Variants in CAMTA1 observed in about 807,000 individuals in gnomAD.
The protein encoded by CAMTA1 is calmodulin binding transcription activator 1.
In CAMTA1, 27 loss-of-function variants were observed where a neutral mutation model predicts 170.9. The ratio of observed to expected loss-of-function variants is 0.16; its 90% CI spans 0.12 to 0.22. CAMTA1 has a LOEUF of 0.22. Among genes scored for constraint, CAMTA1 ranks in the 10% least tolerant of loss-of-function variants. The probability of loss-of-function intolerance (pLI) is 1.00; values close to 1 mark genes in which losing one functional copy is unlikely to be tolerated. For missense variants in CAMTA1, 1,619 were observed against 2,217.2 expected, an observed-to-expected ratio of 0.73 and a Z score of 5.42; for synonymous variants, 833 against 891.5, an observed-to-expected ratio of 0.93 and a Z score of 1.17.
At chr1:7,279,605 G>T (rs1671219851) in intron 5 of CAMTA1, among the ~76,000 whole-genome samples, 2 of 152,156 alleles carry the variant, frequency 1.3e-5, no homozygotes, top group Non-Finnish European at 2.9e-5. Context: ...TAAACAAAAT[G>T]GTCAGGTTTC....
At chr1:6,825,691 G>T (rs12093227) in intron 3 of CAMTA1, among the ~76,000 whole-genome samples, 10,616 of 152,184 alleles carry the variant, frequency 0.07, 416 homozygotes, top group African/African-American at 0.1. Context: ...TTAATGCTAA[G>T]AATTTTTATT....
At chr1:7,381,021 A>G (rs913228181) in intron 5 of CAMTA1, among the ~76,000 whole-genome samples, 2 of 152,260 alleles carry the variant, frequency 1.3e-5, no homozygotes, top group Admixed American at 6.5e-5. Context: ...CTTTCTAAAG[A>G]AAGTGGTTAG....
intron 5 of CAMTA1, among the ~76,000 whole-genome samples, chr1:7,436,157 G>C (rs1284825731): frequency 6.6e-6 from 1 of 152,242 alleles, no homozygotes; most frequent in East Asian, 1.9e-4. Flanking sequence ...GCCCGGGGCT[G>C]CCAGGGAGCT....
intron 4 of CAMTA1, among the ~76,000 whole-genome samples, chr1:7,241,912 A>G (rs545686799): frequency 6.6e-6 from 1 of 152,316 alleles, no homozygotes; most frequent in South Asian, 2.1e-4. Flanking sequence ...AGATGAGACT[A>G]AGTACTATTC....
intron 6 of CAMTA1, among the ~76,000 whole-genome samples, chr1:7,531,313 C>T (rs1466013535): frequency 6.6e-6 from 1 of 152,160 alleles, no homozygotes. Flanking sequence ...GTTCTTACCT[C>T]TCCATGCCTC....
At chr1:7,343,302 A>T (rs1378964456) in intron 5 of CAMTA1, among the ~76,000 whole-genome samples, 1 of 152,084 alleles carries the variant, frequency 6.6e-6, no homozygotes, top group African/African-American at 2.4e-5. Context: ...GCTCTCCTGG[A>T]TTGTGGGGCT....
At chr1:7,535,425 T>G (rs1023662118) in intron 6 of CAMTA1, among the ~76,000 whole-genome samples, 4 of 152,156 alleles carry the variant, frequency 2.6e-5, no homozygotes, top group African/African-American at 9.7e-5. Context: ...ACAGAGTATG[T>G]GGGCTCAGGA....
chr1:7,669,002 C>T (rs533109613), intron 9 of CAMTA1, among the ~76,000 whole-genome samples: 10 of 152,282 alleles, frequency 6.6e-5, no homozygotes, highest in South Asian at 2.1e-4. Context: ...CCCACTCCCC[C>T]CAATGCCCCG....
At chr1:7,649,258 G>A (rs2095831739) in intron 7 of CAMTA1, among the ~76,000 whole-genome samples, 1 of 152,244 alleles carries the variant, frequency 6.6e-6, no homozygotes, top group Non-Finnish European at 1.5e-5. Flanking sequence ...GCACATCTGT[G>A]TCCCCACGGC....
intron 5 of CAMTA1, among the ~76,000 whole-genome samples, chr1:7,257,535 G>A (rs552271634): frequency 4.0e-5 from 6 of 151,576 alleles, no homozygotes; most frequent in East Asian, 3.9e-4. Flanking sequence ...TCCTGAAGCC[G>A]TAGCTTCCGA....
At chr1:7,167,682 G>C (rs558299251) in intron 4 of CAMTA1, among the ~76,000 whole-genome samples, 1 of 152,186 alleles carries the variant, frequency 6.6e-6, no homozygotes, top group East Asian at 1.9e-4. Context: ...CATTAAATCT[G>C]TCAGTTTGGT....
At chr1:7,191,065 T>C (rs1046709392) in intron 4 of CAMTA1, among the ~76,000 whole-genome samples, 1 of 152,234 alleles carries the variant, frequency 6.6e-6, no homozygotes, top group Non-Finnish European at 1.5e-5. Flanking sequence ...GTTTGTAAGA[T>C]TCAAGGACCA....
rs1267425745 is a variant in CAMTA1, at chr1:7,609,558, C to G, written c.511-30842C>G. Among the ~76,000 whole-genome samples the G allele has an allele frequency of 6.6e-6, 1 of 152,216 alleles. No homozygotes were observed. Among genetic ancestry groups the G allele is most frequent in the Admixed American group, 6.5e-5 (1 of 15,290 alleles). The stretch of plus-strand genomic sequence containing the variant: ...CCCTCTCTCAGGCTCCAGTCCAGCC[C>G]TGCAGGAGTGAGCCAGCCTCAGCCA... On this transcript the variant is annotated intron_variant, in intron 6 of 22. Transcript: ENST00000303635. The surrounding 1 kb of genome is among the most constrained non-coding windows in gnomAD (Gnocchi z 4.4).
At chr1:6,884,064 A>G (rs1170489213) in intron 3 of CAMTA1, among the ~76,000 whole-genome samples, 1 of 152,252 alleles carries the variant, frequency 6.6e-6, no homozygotes, top group South Asian at 2.1e-4. Flanking sequence ...TGGGATGGTC[A>G]TGGAGTGTAG....
intron 6 of CAMTA1, among the ~76,000 whole-genome samples, chr1:7,630,243 G>C (rs1360801345): frequency 6.6e-6 from 1 of 152,154 alleles, no homozygotes; most frequent in Non-Finnish European, 1.5e-5. Context: ...GAGGCCTCTG[G>C]AAAGTGCAGG....
intron 4 of CAMTA1, among the ~76,000 whole-genome samples, chr1:7,158,091 G>A (rs541590068): frequency 1.3e-4 from 20 of 152,150 alleles, no homozygotes; most frequent in African/African-American, 4.3e-4. Flanking sequence ...CCCGGAAGGC[G>A]GAGCTTGCAG....
chr1:7,700,340 A>AT (rs1266930984), intron 11 of CAMTA1, among the ~76,000 whole-genome samples: 3 of 152,044 alleles, frequency 2.0e-5, no homozygotes, highest in African/African-American at 7.3e-5. Context: ...AATATTTTCT[A>AT]TTTCTTCAAG....
intron 5 of CAMTA1, among the ~76,000 whole-genome samples, chr1:7,452,253 CT>C (rs1267821657): frequency 5.9e-5 from 9 of 152,218 alleles, no homozygotes; most frequent in Non-Finnish European, 1.2e-4. Context: ...CCAGGCCCCC[CT>C]CCGCCCTGCC....
intron 6 of CAMTA1, among the ~76,000 whole-genome samples, chr1:7,614,882 T>C (rs72867153): frequency 0.048 from 7,344 of 151,988 alleles, 581 homozygotes; most frequent in African/African-American, 0.17. Context: ...TCAGGGCCCT[T>C]GCCCATCAGA....
Sources: gnomAD v4.1 joint callset for allele counts (sites outside exome capture counted in the v4.1 genomes callset) on GRCh38, gnomAD v4.1.1 for gene constraint, Gnocchi (gnomAD v3.1) non-coding constraint, MANE v1.5 for transcripts, NCBI Gene and HGNC (gene_info 2026-07-23, HGNC 2026-07-21) for gene names.